Variants in MACROD2 observed in about 807,000 individuals in gnomAD.
The protein encoded by MACROD2 is ADP-ribose glycohydrolase MACROD2.
In MACROD2, 36 loss-of-function variants were observed where a neutral mutation model predicts 70.4. The ratio of observed to expected loss-of-function variants is 0.51; its 90% CI spans 0.39 to 0.68. The LOEUF (loss-of-function observed/expected upper bound fraction) is 0.68. Among genes scored for constraint, MACROD2 ranks in the 30% least tolerant of loss-of-function variants. MACROD2 has a pLI of 0.00. For missense variants in MACROD2, 496 were observed against 538.4 expected (o/e 0.92, Z 0.78); for synonymous variants, 172 against 178.8 (o/e 0.96, Z 0.30).
chr20:14,477,472 T>G (rs1175044581), intron 3 of MACROD2, among the ~76,000 whole-genome samples: 1 of 152,198 alleles, frequency 6.6e-6, no homozygotes, highest in African/African-American at 2.4e-5. Context: ...CATCAGGCTC[T>G]TGTTATTTAC....
At chr20:15,964,089 C>T (rs1224440346) in intron 12 of MACROD2, among the ~76,000 whole-genome samples, 1 of 152,094 alleles carries the variant, frequency 6.6e-6, no homozygotes, top group Non-Finnish European at 1.5e-5. Flanking sequence ...TTGAACATTA[C>T]CAAATGATAA....
chr20:16,035,104 TATA>T (rs2067208668), intron 15 of MACROD2, among the ~76,000 whole-genome samples: 3 of 6,878 alleles, frequency 4.4e-4, no homozygotes, highest in Admixed American at 4.2e-3. Context: ...TATTATATAT[TATA>T]TATAAAATAT....
chr20:15,278,993 A>G (rs1396386482), intron 6 of MACROD2, among the ~76,000 whole-genome samples: 1 of 152,196 alleles, frequency 6.6e-6, no homozygotes, highest in Non-Finnish European at 1.5e-5. Flanking sequence ...ATTTCTGTGC[A>G]CTTGAAGTGC....
chr20:14,640,721 A>G (rs554124153), intron 4 of MACROD2, among the ~76,000 whole-genome samples: 2 of 152,372 alleles, frequency 1.3e-5, no homozygotes, highest in South Asian at 4.1e-4. Context: ...TTATGTTTAT[A>G]TTCTACTATA....
chr20:14,802,943 T>A (rs1048840638), intron 5 of MACROD2, among the ~76,000 whole-genome samples: 1 of 152,076 alleles, frequency 6.6e-6, no homozygotes, highest in African/African-American at 2.4e-5. Flanking sequence ...ATTCAATTTT[T>A]TATTAGTCAT....
intron 5 of MACROD2, among the ~76,000 whole-genome samples, chr20:14,988,554 A>T (rs1320351757): frequency 1.3e-5 from 2 of 152,138 alleles, no homozygotes; most frequent in Non-Finnish European, 2.9e-5. Flanking sequence ...TCCTGGAGGA[A>T]TCTATGTTTT....
At chr20:15,255,177 C>A (rs1358826040) in intron 6 of MACROD2, among the ~76,000 whole-genome samples, 2 of 152,000 alleles carry the variant, frequency 1.3e-5, no homozygotes, top group East Asian at 3.9e-4. Flanking sequence ...ATTACATTAA[C>A]TCAGTCATTT....
chr20:14,515,659 T>C (rs1490421914), intron 4 of MACROD2, among the ~76,000 whole-genome samples: 1 of 151,942 alleles, frequency 6.6e-6, no homozygotes, highest in Non-Finnish European at 1.5e-5. Flanking sequence ...TAAAAGTCAG[T>C]CTCACAGAAA....
intron 5 of MACROD2, among the ~76,000 whole-genome samples, chr20:14,860,826 C>G (rs1433243505): frequency 6.6e-6 from 1 of 152,074 alleles, no homozygotes. Context: ...CAGCCAGCAT[C>G]TCACTCCACT....
chr20:14,142,973 A>G (rs1409551835), intron 3 of MACROD2, among the ~76,000 whole-genome samples: 4 of 152,200 alleles, frequency 2.6e-5, no homozygotes, highest in African/African-American at 9.6e-5. Flanking sequence ...ATGCACACAC[A>G]CGAAATATAA....
intron 3 of MACROD2, among the ~76,000 whole-genome samples, chr20:14,397,063 C>T (rs1263495119): frequency 1.1e-4 from 15 of 137,896 alleles, no homozygotes; most frequent in East Asian, 2.2e-4. Context: ...GGCGCAATCT[C>T]GGCTCACTGC....
At chr20:14,953,514 C>G (rs1363776224) in intron 5 of MACROD2, among the ~76,000 whole-genome samples, 1 of 152,082 alleles carries the variant, frequency 6.6e-6, no homozygotes, top group African/African-American at 2.4e-5. Flanking sequence ...CACGTGTTAG[C>G]CAGGATGGTC....
intron 3 of MACROD2, among the ~76,000 whole-genome samples, chr20:14,293,743 A>G (rs988481636): frequency 5.3e-5 from 8 of 151,876 alleles, no homozygotes; most frequent in African/African-American, 1.5e-4. Context: ...AAGAGATCCA[A>G]TGGAGGAAAA....
At chr20:16,023,325 A>G (rs989331117) in intron 15 of MACROD2, among the ~76,000 whole-genome samples, 18 of 151,420 alleles carry the variant, frequency 1.2e-4, no homozygotes, top group Non-Finnish European at 2.4e-4. Flanking sequence ...AATACAAAAA[A>G]TTAGCCGGGC....
chr20:16,003,334 T>A (rs189070966), intron 15 of MACROD2, among the ~76,000 whole-genome samples: 61 of 143,868 alleles, frequency 4.2e-4, no homozygotes, highest in Non-Finnish European at 7.4e-4. Context: ...TAGGACTTTA[T>A]GAAAGTTTGA....
chr20:15,905,351 T>C (rs2065131454), intron 10 of MACROD2, among the ~76,000 whole-genome samples: 1 of 152,252 alleles, frequency 6.6e-6, no homozygotes, highest in Non-Finnish European at 1.5e-5. Context: ...TATCAGGGCA[T>C]AGACAGTGGA....
chr20:14,215,885 G>A (rs1390580597), intron 3 of MACROD2, among the ~76,000 whole-genome samples: 1 of 151,860 alleles, frequency 6.6e-6, no homozygotes, highest in Non-Finnish European at 1.5e-5. Flanking sequence ...ACTGATTTGA[G>A]TTCATTGGAT....
At chr20:16,040,033 C>T (rs2067287827) in intron 15 of MACROD2, among the ~76,000 whole-genome samples, 2 of 151,810 alleles carry the variant, frequency 1.3e-5, no homozygotes, top group Non-Finnish European at 2.9e-5. Context: ...AGATGCAAAA[C>T]TTGTTTGATA....
At chr20:14,872,803 G>A (rs1028733028) in intron 5 of MACROD2, among the ~76,000 whole-genome samples, 2 of 152,138 alleles carry the variant, frequency 1.3e-5, no homozygotes, top group Non-Finnish European at 2.9e-5. Flanking sequence ...AAGGAAAGGG[G>A]TTTAACTGAC....
Sources: gnomAD v4.1 joint callset for allele counts (sites outside exome capture counted in the v4.1 genomes callset) on GRCh38, gnomAD v4.1.1 for gene constraint, MANE v1.5 for transcripts, NCBI Gene and HGNC (gene_info 2026-07-23, HGNC 2026-07-21) for gene names.